CUL3: variants seen among roughly 807,000 people sequenced by gnomAD.
CUL3 encodes the protein cullin 3, also known as cullin-3.
In CUL3, 19 loss-of-function variants were observed where a neutral mutation model predicts 89.1. The ratio of observed to expected loss-of-function variants is 0.21; its 90% confidence interval spans 0.15 to 0.31. CUL3 has a LOEUF of 0.31. Among genes scored for constraint, CUL3 ranks in the 10% least tolerant of loss-of-function variants. The probability of loss-of-function intolerance (pLI) is 1.00; values close to 1 mark genes in which losing one functional copy is unlikely to be tolerated. For missense variants in CUL3, 469 were observed against 942.3 expected, an observed-to-expected ratio of 0.50 and a Z score of 6.58; for synonymous variants, 351 against 308.4, an observed-to-expected ratio of 1.14 and a Z score of -1.45.
intron 3 of CUL3, among the ~76,000 whole-genome samples, chr2:224,531,960 G>GT (rs1693710865): frequency 6.6e-6 from 1 of 152,136 alleles, no homozygotes; most frequent in Non-Finnish European, 1.5e-5. Context: ...TTGATGTTGA[G>GT]TAACAGACAA....
In CUL3 at chr2:224,502,987, C is replaced by T. The variant is rs762805740; in HGVS notation, c.1463G>A (p.Arg488Lys). Reference protein sequence around the residue: ...SISNTTMDEFRQHLQATGVSL... With the variant: ...SISNTTMDEFKQHLQATGVSL... Reference sequence around the variant, plus strand: ...TACACCAGTTGCCTGTAGATGTTGCCTGAATTCATCCATCGTTGTGTTTGA... The same window carrying T: ...TACACCAGTTGCCTGTAGATGTTGCTTGAATTCATCCATCGTTGTGTTTGA... The change falls in exon 10 of 16, where the codon AGG (arginine) becomes AAG (lysine). Residue 488 changes from arginine (R) to lysine (K), a missense_variant. This residue lies in a region of CUL3 where 370 missense variants were observed against 733.2 expected (regional missense o/e 0.50). Transcript: ENST00000264414. The T allele has an allele frequency of 1.9e-6, 3 of 1,613,652 alleles. No individual in the cohort carries two copies. Among genetic ancestry groups the T allele is most frequent in the South Asian group, 1.1e-5 (1 of 91,052 alleles).
At chr2:224,528,275 CTTCT>C (rs1233686737) in intron 3 of CUL3, among the ~76,000 whole-genome samples, 1 of 152,134 alleles carries the variant, frequency 6.6e-6, no homozygotes, top group Admixed American at 6.5e-5. Context: ...GGCCATCTGT[CTTCT>C]TTGACTAGTG....
At chr2:224,572,830 C>T (rs554692012) in intron 1 of CUL3, among the ~76,000 whole-genome samples, 2 of 152,200 alleles carry the variant, frequency 1.3e-5, no homozygotes, top group Admixed American at 1.3e-4. Context: ...ATCAAGACAT[C>T]GTGTCGGAAG....
intron 8 of CUL3, 127 bp downstream of exon 8, chr2:224,505,829 C>T: frequency 3.8e-6 from 2 of 520,804 alleles, no homozygotes; most frequent in African/African-American, 2.0e-5. Flanking sequence ...TTTAATAGAC[C>T]ATGGCACCCA....
intron 1 of CUL3, among the ~76,000 whole-genome samples, 200 bp downstream of exon 1, chr2:224,584,744 G>T (rs1242059163): frequency 6.8e-6 from 1 of 146,490 alleles, no homozygotes; most frequent in Non-Finnish European, 1.5e-5. Context: ...GGCTCCCGGC[G>T]CGGGGAACGG....
chr2:224,545,843 T>C (rs1319282054), intron 2 of CUL3, among the ~76,000 whole-genome samples: 3 of 152,202 alleles, frequency 2.0e-5, no homozygotes, highest in Non-Finnish European at 4.4e-5. Flanking sequence ...GTTAGGACAA[T>C]ACACTTTCAC....
intron 2 of CUL3, among the ~76,000 whole-genome samples, chr2:224,535,929 T>G (rs540844521): frequency 5.9e-5 from 9 of 152,258 alleles, no homozygotes; most frequent in African/African-American, 2.2e-4. Flanking sequence ...AATCCTATAT[T>G]CTTATAGTAA....
chr2:224,517,819 C>T (rs1382593344), intron 3 of CUL3, among the ~76,000 whole-genome samples: 2 of 152,106 alleles, frequency 1.3e-5, no homozygotes, highest in African/African-American at 4.8e-5. Context: ...ACTATTTTCA[C>T]TCTAATGTCT....
chr2:224,495,934 T>A lies in CUL3; in HGVS notation c.1740A>T (p.Ala580=), dbSNP rs372438706. The change falls in exon 13 of 16, where the codon GCA becomes GCT. Residue 580 remains alanine, a synonymous_variant. Coordinates refer to ENST00000264414, the MANE Select transcript of CUL3 (RefSeq NM_003590.5). ...TCCGTGTATTAGAGCCAGTTACTTG[T>A]GCACCTCCAACACCAACTTCAGATC... ...EDGSEVGVGG[A]QVTGSNTRKH... 1 of 1,613,928 alleles carries A rather than the reference T, an allele frequency of 6.2e-7. No individual in the cohort carries two copies. Among genetic ancestry groups the A allele is most frequent in the Non-Finnish European group, 8.5e-7 (1 of 1,179,922 alleles).
chr2:224,487,965 A>G (rs1210033064), intron 13 of CUL3, among the ~76,000 whole-genome samples: 2 of 152,212 alleles, frequency 1.3e-5, no homozygotes, highest in African/African-American at 4.8e-5. Flanking sequence ...GTACAACTAC[A>G]TGGAAACTGA....
intron 1 of CUL3, among the ~76,000 whole-genome samples, chr2:224,559,280 T>C (rs1232080769): frequency 1.3e-5 from 2 of 151,528 alleles, no homozygotes; most frequent in African/African-American, 4.9e-5. Context: ...TGAGACCCTG[T>C]CTCTACAAAA....
At chr2:224,498,007 C>T (rs1207452160) in intron 11 of CUL3, among the ~76,000 whole-genome samples, 158 bp from the exon 12 acceptor site, 1 of 152,090 alleles carries the variant, frequency 6.6e-6, no homozygotes, top group African/African-American at 2.4e-5. Flanking sequence ...TCAGTTTCAA[C>T]TTTCTATAGG....
chr2:224,546,933 T>C (rs1475050794), intron 2 of CUL3, among the ~76,000 whole-genome samples: 3 of 152,146 alleles, frequency 2.0e-5, no homozygotes, highest in African/African-American at 7.2e-5. Flanking sequence ...TTATGCTATT[T>C]ATATTTAGGT....
At chr2:224,531,002 T>C (rs936975125) in intron 3 of CUL3, among the ~76,000 whole-genome samples, 1 of 152,094 alleles carries the variant, frequency 6.6e-6, no homozygotes, top group Non-Finnish European at 1.5e-5. Flanking sequence ...AAAGGCAATG[T>C]AAGTAAATGA....
intron 2 of CUL3, among the ~76,000 whole-genome samples, chr2:224,544,497 A>G (rs1339408520): frequency 2.6e-5 from 4 of 151,854 alleles, no homozygotes; most frequent in Non-Finnish European, 4.4e-5. Flanking sequence ...AATGTTACAA[A>G]AACATTCTTA....
In CUL3 at chr2:224,530,100, G is replaced by A. The variant is rs534924866; in HGVS notation, c.378+5428C>T. On this transcript the variant is annotated intron_variant, in intron 3 of 15. Transcript: ENST00000264414. The stretch of plus-strand genomic sequence containing the variant: ...AAAAATACAAAAAAATTAGCCGGGC[G>A]TGGTGGCAGGCGCCTGTAGTCCCAA... Among the ~76,000 whole-genome samples, 745 of 152,154 alleles carry A rather than the reference G, an allele frequency of 4.9e-3. 7 individuals carry two copies. The highest frequency in any genetic ancestry group is 0.017 in the African/African-American group (692 of 41,492).
At position 224,514,780 on chromosome 2, in the gene CUL3, T is replaced by TAA. The variant is rs763033009; in HGVS notation, c.379-10_379-9dup. ...TTGTACATACACACGGTCCTACAGT[T>TAA]AAAGTCATATAAATATGAGTACAGT... On this transcript the variant is annotated splice_polypyrimidine_tract_variant and intron_variant, in intron 3 of 15. Transcript: ENST00000264414. 1 of 1,588,428 alleles carries TAA rather than the reference T, an allele frequency of 6.3e-7. No homozygotes were observed. Among genetic ancestry groups the TAA allele is most frequent in the Admixed American group, 1.7e-5 (1 of 59,720 alleles).
intron 12 of CUL3, among the ~76,000 whole-genome samples, chr2:224,496,374 TA>T (rs1692173154): frequency 6.6e-6 from 1 of 152,184 alleles, no homozygotes; most frequent in South Asian, 2.1e-4. Context: ...ATAGGTCCCA[TA>T]ATCTCCATCC....
At position 224,478,311 on chromosome 2, in the gene CUL3, C is replaced by T. The variant is rs2106143357; in HGVS notation, c.2064G>A (p.Arg688=). The T allele has an allele frequency of 6.2e-7, 1 of 1,613,476 alleles. No individual in the cohort carries two copies. The highest frequency in any genetic ancestry group is 8.5e-7 in the Non-Finnish European group (1 of 1,179,668). The stretch of plus-strand genomic sequence containing the variant: ...CGTCTACTTTCTGCCTTGTTTCTTT[C>T]CTCTCTGGGTCGGATTCACCTTGTT... ...AAKQGESDPE[R]KETRQKVDDD... is the part of the protein sequence containing the mutation. The change falls in exon 15 of 16, where the codon AGG becomes AGA. Residue 688 remains arginine, a synonymous_variant. Transcript: ENST00000264414.
Sources: allele counts gnomAD v4.1 joint callset (sites outside exome capture counted in the v4.1 genomes callset), GRCh38; gene constraint gnomAD v4.1.1; regional missense constraint gnomAD v4.1.1; transcripts MANE v1.5; gene names NCBI Gene and HGNC (gene_info 2026-07-23, HGNC 2026-07-21).